Variants in ALPK1 observed in about 807,000 individuals in gnomAD.
ALPK1 encodes alpha kinase 1.
In ALPK1, 110 loss-of-function variants were observed where a neutral mutation model predicts 120.6. The observed-to-expected ratio is 0.91, with a 90% CI of 0.78 to 1.07. The LOEUF is 1.07. ALPK1 is among the 50% of genes least tolerant of loss of function. The pLI is 0.00. For missense variants in ALPK1, 1,498 were observed against 1,483.9 expected (o/e 1.01, Z -0.16); for synonymous variants, 582 against 560.3 (o/e 1.04, Z -0.55).
At chr4:112,358,291 G>A in intron 2 of ALPK1, 2 of 599,682 alleles carry the variant, frequency 3.3e-6, no homozygotes, top group East Asian at 3.7e-5. Flanking sequence ...ACGTCAGGGT[G>A]TACAACTTCG....
Position 112,431,258 on chromosome 4 carries a change from A to G in ALPK1, c.1711A>G (p.Asn571Asp). 6.2e-7 allele frequency: 1 copy of G among 1,614,208 alleles called. No individual in the cohort carries two copies. Among genetic ancestry groups the G allele is most frequent in the East Asian group, 2.2e-5 (1 of 44,868 alleles). The change falls in exon 11 of 16, where the codon AAC becomes GAC. Residue 571 changes from asparagine (N) to aspartate (D), a missense_variant. Transcript: ENST00000650871. The part of the protein sequence containing the change: ...DYSNGEGAVF[N>D]KSLSGSQTSS... Reference sequence around the variant, plus strand: ...CAGCAATGGTGAGGGAGCTGTTTTCAACAAGTCTCTGAGTGGCAGCCAGAC... The same window carrying G: ...CAGCAATGGTGAGGGAGCTGTTTTCGACAAGTCTCTGAGTGGCAGCCAGAC...
chr4:112,410,525 T>G (rs1403374633), intron 4 of ALPK1, among the ~76,000 whole-genome samples: 1 of 152,252 alleles, frequency 6.6e-6, no homozygotes, highest in Non-Finnish European at 1.5e-5. Flanking sequence ...AGCAGTACTT[T>G]GTGTAGCAAC....
chr4:112,359,720 G>C (rs1223875158), intron 2 of ALPK1: 2 of 280,774 alleles, frequency 7.1e-6, no homozygotes, highest in African/African-American at 4.6e-5. Flanking sequence ...TTTCCCACGG[G>C]CATGCAGTAT....
intron 4 of ALPK1, among the ~76,000 whole-genome samples, chr4:112,394,406 G>C (rs777249760): frequency 4.1e-4 from 62 of 152,268 alleles, no homozygotes; most frequent in Non-Finnish European, 8.4e-4. Context: ...TATAGGTCTT[G>C]TTTTGAAAAG....
intron 2 of ALPK1, among the ~76,000 whole-genome samples, chr4:112,355,037 G>C (rs917119742): frequency 1.3e-5 from 2 of 152,116 alleles, no homozygotes; most frequent in African/African-American, 4.8e-5. Context: ...GAGTTTTCCA[G>C]ACCACAAACA....
Position 112,346,008 on chromosome 4 carries a change from C to G in ALPK1, c.-101+30156C>G, listed in dbSNP as rs556762030. Among the ~76,000 whole-genome samples, 114 of 152,206 alleles carry G rather than the reference C, an allele frequency of 7.5e-4. 1 individual carries two copies. Among genetic ancestry groups the G allele is most frequent in the African/African-American group, 2.6e-3 (107 of 41,540 alleles). Reference sequence around the variant, plus strand: ...CCTCCTGAGTACCTGGGATTACAGGCGTGCGCTGCCATGCCAGGCTAATTT... The same window carrying G: ...CCTCCTGAGTACCTGGGATTACAGGGGTGCGCTGCCATGCCAGGCTAATTT... On this transcript the variant is annotated intron_variant, in intron 2 of 15. Transcript: ENST00000650871.
chr4:112,383,231 T>C (rs565317385), intron 4 of ALPK1: 58 of 152,162 alleles, frequency 3.8e-4, no homozygotes, highest in African/African-American at 1.4e-3. Context: ...TTTGATAGCG[T>C]TGCTTTTTAC....
intron 2 of ALPK1, among the ~76,000 whole-genome samples, chr4:112,370,730 T>C (rs1227529589): frequency 6.6e-6 from 1 of 152,234 alleles, no homozygotes; most frequent in Non-Finnish European, 1.5e-5. Context: ...TTCTTCCTAT[T>C]GTCTCCTCTG....
chr4:112,433,862 G>T (rs1279671344), intron 11 of ALPK1, among the ~76,000 whole-genome samples: 1 of 152,100 alleles, frequency 6.6e-6, no homozygotes, highest in Non-Finnish European at 1.5e-5. Flanking sequence ...AACTTCCAAT[G>T]CCTCACCCCA....
intron 2 of ALPK1, among the ~76,000 whole-genome samples, chr4:112,320,268 T>C (rs930507722): frequency 1.3e-5 from 2 of 152,262 alleles, no homozygotes; most frequent in Non-Finnish European, 2.9e-5. Flanking sequence ...TGCTGGATTT[T>C]GTCAAATGCT....
intron 4 of ALPK1, among the ~76,000 whole-genome samples, chr4:112,407,288 G>A (rs1295453126): frequency 1.3e-5 from 2 of 152,154 alleles, no homozygotes; most frequent in Non-Finnish European, 2.9e-5. Context: ...AGGTCAAGAT[G>A]GCAAATTTTA....
At chr4:112,385,273 G>A (rs1732103696) in intron 4 of ALPK1, among the ~76,000 whole-genome samples, 1 of 152,160 alleles carries the variant, frequency 6.6e-6, no homozygotes, top group Admixed American at 6.5e-5. Flanking sequence ...CTCATAGTTG[G>A]AGTAGACTAT....
At chr4:112,303,465 G>T (rs1727878678) in intron 1 of ALPK1, among the ~76,000 whole-genome samples, 1 of 152,058 alleles carries the variant, frequency 6.6e-6, no homozygotes, top group South Asian at 2.1e-4. Context: ...ATCAACAATA[G>T]CTAATCAATT....
At chr4:112,378,301 T>C (rs540118658) in intron 3 of ALPK1, among the ~76,000 whole-genome samples, 1 of 152,334 alleles carries the variant, frequency 6.6e-6, no homozygotes, top group South Asian at 2.1e-4. Context: ...CTTCTAGGGT[T>C]TCCATAAATA....
At chr4:112,326,939 T>C (rs1385484574) in intron 2 of ALPK1, among the ~76,000 whole-genome samples, 1 of 152,140 alleles carries the variant, frequency 6.6e-6, no homozygotes, top group African/African-American at 2.4e-5. Context: ...TGGACTAACG[T>C]GGTGGTGCAG....
At position 112,442,489 on chromosome 4, in the gene ALPK1, A is replaced by G. The variant is rs1735076019; in HGVS notation, c.*1279A>G. On this transcript the variant is annotated 3_prime_UTR_variant, in exon 16 of 16. Transcript: ENST00000650871. ...GAGGGTGGACAGTGGGAGGAGGGAG[A>G]GGATCAGGAAAAATAACTAATGGGT... is the stretch of plus-strand genomic sequence containing the variant. The G allele has an allele frequency of 6.6e-6, 1 of 152,098 alleles. No individual in the cohort carries two copies. The highest frequency in any genetic ancestry group is 2.4e-5 in the African/African-American group (1 of 41,398). The allele number at this position is 152,098 out of a possible 1,614,324, so 9.4% of individuals were successfully genotyped here.
At chr4:112,423,916 T>G in intron 5 of ALPK1, 28 bp from the exon 6 acceptor site, 1 of 1,613,188 alleles carries the variant, frequency 6.2e-7, no homozygotes. Context: ...CAAAGCTAAT[T>G]GTGTGGCATT....
chr4:112,301,380 A>G (rs1727780000), intron 1 of ALPK1, among the ~76,000 whole-genome samples: 1 of 152,176 alleles, frequency 6.6e-6, no homozygotes, highest in African/African-American at 2.4e-5. Flanking sequence ...GGGACATGAG[A>G]AACTTGGTTT....
chr4:112,357,566 C>A lies in ALPK1; in HGVS notation c.-100-20112C>A. On this transcript the variant is annotated intron_variant, in intron 2 of 15. Transcript: ENST00000650871. ...ATCATCCTCACCAGTGGCACACTGG[C>A]CCCCGGGTCCTCCTTTGCCCTGGAG... is the stretch of plus-strand genomic sequence containing the variant. 4 of 1,344,710 alleles carry A rather than the reference C, an allele frequency of 3.0e-6. No individual in the cohort carries two copies. The South Asian group carries it at 3.6e-5, about 12-fold the overall frequency. 83.3% of individuals were successfully genotyped at this position (1,344,710 alleles called of 1,614,324 possible). A position where few individuals can be genotyped will look rare whatever the true frequency, so the allele number is the denominator to read the frequency against.
Sources: gnomAD v4.1 joint callset for allele counts (sites outside exome capture counted in the v4.1 genomes callset) on GRCh38, gnomAD v4.1.1 for gene constraint, MANE v1.5 for transcripts, NCBI Gene and HGNC (gene_info 2026-07-23, HGNC 2026-07-21) for gene names.